Variants in ANXA10 observed in about 807,000 individuals in gnomAD.
ANXA10 encodes annexin 14.
Under a neutral mutation model 53.5 loss-of-function variants are expected in ANXA10, and 49 were observed. The observed-to-expected ratio is 0.92, with a 90% CI of 0.73 to 1.16. ANXA10 has a LOEUF of 1.16. ANXA10 is among the 50% of genes most tolerant of loss of function. The probability of loss-of-function intolerance (pLI) is 0.00; values close to 1 mark genes in which losing one functional copy is unlikely to be tolerated. For synonymous variants in ANXA10, 131 were observed against 128.9 expected, an observed-to-expected ratio of 1.02 and a Z score of -0.11; for missense variants, 393 against 394.4, an observed-to-expected ratio of 1.00 and a Z score of 0.03.
rs762294584 is a variant in ANXA10, at chr4:168,187,485, A to C, written c.*51A>C. ...CACTCCTCTTTCTAGACACTTCCAAATAGAGATTTTCTCACAAATTTGTAC... is the reference window on the plus strand; with the variant it reads ...CACTCCTCTTTCTAGACACTTCCAACTAGAGATTTTCTCACAAATTTGTAC... On this transcript the variant is annotated 3_prime_UTR_variant, in exon 12 of 12. Transcript: ENST00000359299. 8.0e-7 allele frequency: 1 copy of C among 1,247,146 alleles called. No homozygotes were observed. Among genetic ancestry groups the C allele is most frequent in the African/African-American group, 1.5e-5 (1 of 65,650 alleles). 77.3% of individuals were successfully genotyped at this position (1,247,146 alleles called of 1,614,324 possible).
intron 1 of ANXA10, among the ~76,000 whole-genome samples, chr4:168,120,763 T>C (rs913036158): frequency 6.6e-6 from 1 of 152,136 alleles, no homozygotes; most frequent in Non-Finnish European, 1.5e-5. Flanking sequence ...TTTTTATTTC[T>C]TCTCTTAACC....
intron 1 of ANXA10, among the ~76,000 whole-genome samples, chr4:168,110,006 C>T (rs1730778573): frequency 6.6e-6 from 1 of 152,066 alleles, no homozygotes; most frequent in South Asian, 2.1e-4. Context: ...GTCAGGAGAT[C>T]GAGACCATCC....
intron 3 of ANXA10, among the ~76,000 whole-genome samples, chr4:168,147,366 G>C (rs1326478756): frequency 6.6e-6 from 1 of 152,180 alleles, no homozygotes; most frequent in South Asian, 2.1e-4. Flanking sequence ...ATTGTATCAG[G>C]AAGGCAGCAA....
At chr4:168,097,974 G>A (rs1223462387) in intron 1 of ANXA10, among the ~76,000 whole-genome samples, 1 of 152,058 alleles carries the variant, frequency 6.6e-6, no homozygotes, top group Admixed American at 6.6e-5. Flanking sequence ...CACCTCTCTA[G>A]ATATGTTGGT....
At position 168,134,360 on chromosome 4, in the gene ANXA10, T is replaced by C. The variant is rs563827382; in HGVS notation, c.101-5126T>C. ...AGTTATTTTAATTTAAAAATTGTAATACAATTATTGAGATTCATATAAAAT... is the reference window on the plus strand; with the variant it reads ...AGTTATTTTAATTTAAAAATTGTAACACAATTATTGAGATTCATATAAAAT... On this transcript the variant is annotated intron_variant, in intron 2 of 11. Transcript: ENST00000359299. 3.3e-3 allele frequency among the ~76,000 whole-genome samples: 506 copies of C among 152,210 alleles called. 4 individuals are homozygous for C. The highest frequency in any genetic ancestry group is 0.011 in the African/African-American group (476 of 41,548).
chr4:168,093,707 T>C (rs924717775), intron 1 of ANXA10, among the ~76,000 whole-genome samples: 2 of 152,134 alleles, frequency 1.3e-5, no homozygotes, highest in Non-Finnish European at 2.9e-5. Context: ...CTGGGAACTT[T>C]TATGCAAAAA....
intron 2 of ANXA10, 152 bp downstream of exon 2, chr4:168,128,317 T>G: frequency 1.9e-6 from 1 of 525,480 alleles, no homozygotes; most frequent in Non-Finnish European, 3.3e-6. Context: ...AGAAGTAGAA[T>G]GAGAAGAAAA....
At chr4:168,184,249 G>A (rs1041836205) in intron 10 of ANXA10, among the ~76,000 whole-genome samples, 1 of 152,134 alleles carries the variant, frequency 6.6e-6, no homozygotes, top group African/African-American at 2.4e-5. Context: ...GGCTAGAAAG[G>A]GGGAGCAACT....
chr4:168,104,890 T>G (rs1046752664), intron 1 of ANXA10, among the ~76,000 whole-genome samples: 1 of 151,854 alleles, frequency 6.6e-6, no homozygotes, highest in African/African-American at 2.4e-5. Flanking sequence ...AAATTTCTAT[T>G]ATTTCTCTAA....
chr4:168,146,953 G>A (rs981392094), intron 3 of ANXA10, among the ~76,000 whole-genome samples: 1 of 152,136 alleles, frequency 6.6e-6, no homozygotes, highest in Non-Finnish European at 1.5e-5. Context: ...TTTCTGAGTT[G>A]AGTAGCCACA....
intron 3 of ANXA10, among the ~76,000 whole-genome samples, chr4:168,148,915 G>A (rs746931425): frequency 5.9e-5 from 9 of 151,932 alleles, no homozygotes; most frequent in Middle Eastern, 3.4e-3. Context: ...ATTCTGGGTG[G>A]AACTCTAGTT....
chr4:168,154,001 C>A (rs1248060974), intron 3 of ANXA10, among the ~76,000 whole-genome samples: 2 of 145,580 alleles, frequency 1.4e-5, no homozygotes, highest in Non-Finnish European at 3.0e-5. Context: ...CACACACACA[C>A]ACGCACACAC....
At chr4:168,117,553 G>A (rs1730913835) in intron 1 of ANXA10, among the ~76,000 whole-genome samples, 1 of 152,066 alleles carries the variant, frequency 6.6e-6, no homozygotes, top group Non-Finnish European at 1.5e-5. Flanking sequence ...GTCCTCACCT[G>A]ATGTCATGGA....
chr4:168,169,215 T>C lies in ANXA10; in HGVS notation c.480+3889T>C, dbSNP rs146970990. 6.8e-3 allele frequency among the ~76,000 whole-genome samples: 1,041 copies of C among 152,362 alleles called. 10 individuals carry two copies. The highest frequency in any genetic ancestry group is 0.024 in the African/African-American group (986 of 41,586). ...AAGATGCCAATTGAATATTTTCTTT[T>C]ACATTTTATAAGATTAATTTTAATT... On this transcript the variant is annotated intron_variant, in intron 6 of 11. Transcript: ENST00000359299.
intron 9 of ANXA10, among the ~76,000 whole-genome samples, chr4:168,181,012 G>C (rs1198575949): frequency 3.3e-5 from 5 of 152,078 alleles, no homozygotes; most frequent in Non-Finnish European, 7.4e-5. Context: ...CATTCAAATA[G>C]ATGAACAGAT....
intron 3 of ANXA10, among the ~76,000 whole-genome samples, chr4:168,156,192 A>ATATATATTT (rs1553957755): frequency 3.5e-5 from 1 of 28,746 alleles, no homozygotes; most frequent in Non-Finnish European, 5.5e-5. Context: ...ATTATATATT[A>ATATATATTT]TATATAATAT....
At chr4:168,171,520 AT>A (rs908235011) in intron 6 of ANXA10, among the ~76,000 whole-genome samples, 25 of 152,032 alleles carry the variant, frequency 1.6e-4, no homozygotes, top group Non-Finnish European at 2.6e-4. Context: ...AGACACACCC[AT>A]TTTTTTTGAA....
At chr4:168,153,007 G>A (rs557325839) in intron 3 of ANXA10, among the ~76,000 whole-genome samples, 20 of 151,956 alleles carry the variant, frequency 1.3e-4, no homozygotes, top group South Asian at 4.1e-4. Flanking sequence ...CACACTCAGC[G>A]AGTTTTTGGC....
chr4:168,154,000 A>ACG (rs148889139), intron 3 of ANXA10, among the ~76,000 whole-genome samples: 3,181 of 151,598 alleles, frequency 0.021, 183 homozygotes, highest in East Asian at 0.13. Flanking sequence ...ACACACACAC[A>ACG]CACGCACACA....
Sources: allele counts gnomAD v4.1 joint callset (sites outside exome capture counted in the v4.1 genomes callset), GRCh38; gene constraint gnomAD v4.1.1; transcripts MANE v1.5; gene names NCBI Gene and HGNC (gene_info 2026-07-23, HGNC 2026-07-21).